Variants in PAG1 observed in about 807,000 individuals in gnomAD.
PAG1 encodes the protein phosphoprotein associated with glycosphingolipid-enriched microdomains 1.
PAG1 carries 23 observed loss-of-function variants against 31.7 expected under a neutral mutation model. The observed-to-expected ratio is 0.73, with a 90% confidence interval of 0.52 to 1.03. The LOEUF (loss-of-function observed/expected upper bound fraction) is 1.03. PAG1 is among the 50% of genes least tolerant of loss of function. The pLI is 0.00. For synonymous variants in PAG1, 214 were observed against 210.3 expected (o/e 1.02, Z -0.15); for missense variants, 473 against 540.7 (o/e 0.87, Z 1.24).
intron 2 of PAG1, among the ~76,000 whole-genome samples, chr8:81,040,414 C>T (rs73279916): frequency 2.0e-5 from 3 of 152,086 alleles, no homozygotes; most frequent in Admixed American, 6.5e-5. Flanking sequence ...ATTTCACCTA[C>T]GCTACCTGTG....
rs141013207 is a variant in PAG1 at position 80,990,718 on chromosome 8, C to T, written c.177+761G>A. Among the ~76,000 whole-genome samples the T allele has an allele frequency of 1.0e-3, 156 of 152,222 alleles. 1 individual carries two copies. In the East Asian group the frequency reaches 0.017, roughly 17 times the overall value. ...TGTAAGATACTGAGGGCTGGGAAAA[C>T]GCCAGCAAGGCTAGGTTATATACCT... On this transcript the variant is annotated intron_variant, in intron 5 of 8. Transcript: ENST00000220597. This position sits in a 1 kb window ranked among gnomAD's most constrained non-coding sequence, Gnocchi z 5.1.
intron 1 of PAG1, among the ~76,000 whole-genome samples, chr8:81,078,285 G>T (rs1045856310): frequency 2.0e-5 from 3 of 152,176 alleles, no homozygotes; most frequent in Non-Finnish European, 2.9e-5. Flanking sequence ...AAAAAGAATT[G>T]AGGTCAATCA....
intron 3 of PAG1, among the ~76,000 whole-genome samples, chr8:80,993,628 G>T (rs1246273840): frequency 6.7e-6 from 1 of 150,036 alleles, no homozygotes; most frequent in Non-Finnish European, 1.5e-5. Flanking sequence ...CTTCAACCAG[G>T]GTCTTGCTCT....
intron 7 of PAG1, among the ~76,000 whole-genome samples, chr8:80,983,076 C>T (rs752104710): frequency 3.4e-4 from 51 of 152,166 alleles, no homozygotes; most frequent in Non-Finnish European, 6.3e-4. Context: ...CATCCAGGAT[C>T]GAGCTCTGGT....
At chr8:81,057,273 A>G (rs962155570) in intron 2 of PAG1, among the ~76,000 whole-genome samples, 16 of 152,184 alleles carry the variant, frequency 1.1e-4, no homozygotes, top group African/African-American at 3.6e-4. Context: ...ATGCACACGT[A>G]TGTTCATTGT....
intron 3 of PAG1, among the ~76,000 whole-genome samples, chr8:81,011,219 T>C (rs1807977566): frequency 6.6e-6 from 1 of 152,248 alleles, no homozygotes; most frequent in Non-Finnish European, 1.5e-5. Flanking sequence ...ATGGTTTGGC[T>C]GTGTCCCCAC....
rs554932519 is a variant in PAG1, at chr8:80,974,152, G to GTTTTTTTTTTTTTT, written c.*2378_*2391dup. On this transcript the variant is annotated 3_prime_UTR_variant, in exon 9 of 9. Transcript: ENST00000220597. ...ATTATTTATGAGCTTTCTATAAAAA[G>GTTTTTTTTTTTTTT]TTTTTTTTTTTTTTTTTTTTTTACT... 1 of 115,378 alleles carries GTTTTTTTTTTTTTT rather than the reference G, an allele frequency of 8.7e-6. No individual in the cohort carries two copies. The highest frequency in any genetic ancestry group is 1.7e-5 in the Non-Finnish European group (1 of 57,806). 7.1% of individuals were successfully genotyped at this position (115,378 alleles called of 1,614,324 possible).
rs529260477 is a variant in PAG1, at chr8:81,045,957, G to A, written c.-174-15868C>T. On this transcript the variant is annotated intron_variant, in intron 2 of 8. Transcript: ENST00000220597. ...CCATCCTATTGCTTCAGCATTGGGCGTGTAACAGCATAACTCGACCTCACA... is the reference window on the plus strand; with the variant it reads ...CCATCCTATTGCTTCAGCATTGGGCATGTAACAGCATAACTCGACCTCACA... Among the ~76,000 whole-genome samples the A allele has an allele frequency of 1.1e-4, 17 of 152,316 alleles. No homozygotes were observed. In the South Asian group the frequency reaches 1.5e-3, roughly 13 times the overall value.
At chr8:81,086,327 A>T (rs1363899417) in intron 1 of PAG1, among the ~76,000 whole-genome samples, 2 of 152,116 alleles carry the variant, frequency 1.3e-5, no homozygotes, top group African/African-American at 4.8e-5. Flanking sequence ...ATTTTGCCTT[A>T]TTTAATAATG....
rs1043337569 is a variant in PAG1 at position 80,968,617 on chromosome 8, T to C, written c.*7927A>G. ...TCTAGAAAGTGCTTATGGAAATGTT[T>C]ATTTTAATATGAGGAGTTTCTTTTC... On this transcript the variant is annotated 3_prime_UTR_variant, in exon 9 of 9. Transcript: ENST00000220597. The C allele has an allele frequency of 1.3e-5, 2 of 152,266 alleles. No individual in the cohort carries two copies. Among genetic ancestry groups the C allele is most frequent in the Non-Finnish European group, 2.9e-5 (2 of 68,050 alleles). 9.4% of individuals were successfully genotyped at this position (152,266 alleles called of 1,614,324 possible). A position where few individuals can be genotyped will look rare whatever the true frequency, so the allele number is the denominator to read the frequency against.
chr8:81,071,882 G>A (rs779691055), intron 1 of PAG1, among the ~76,000 whole-genome samples: 72 of 152,322 alleles, frequency 4.7e-4, no homozygotes, highest in Non-Finnish European at 7.8e-4. Context: ...CAAAACCCAA[G>A]CCCCTGGCAT....
At chr8:81,056,818 C>T (rs1808830717) in intron 2 of PAG1, among the ~76,000 whole-genome samples, 1 of 152,138 alleles carries the variant, frequency 6.6e-6, no homozygotes, top group African/African-American at 2.4e-5. Flanking sequence ...GCAACCTACT[C>T]CTCTGACAAA....
intron 1 of PAG1, among the ~76,000 whole-genome samples, chr8:81,091,596 G>T (rs1367340339): frequency 1.3e-5 from 2 of 152,078 alleles, no homozygotes. Flanking sequence ...ACATAGAAAA[G>T]ATACAGTAAC....
Position 81,041,518 on chromosome 8 carries a change from T to C in PAG1, c.-174-11429A>G, listed in dbSNP as rs1186314677. Among the ~76,000 whole-genome samples, 3 of 152,134 alleles carry C rather than the reference T, an allele frequency of 2.0e-5. No homozygotes were observed. The East Asian group carries it at 5.8e-4, about 29-fold the overall frequency. On this transcript the variant is annotated intron_variant, in intron 2 of 8. Coordinates refer to ENST00000220597, the MANE Select transcript of PAG1 (RefSeq NM_018440.4). The stretch of plus-strand genomic sequence containing the variant: ...CATTTATCTTCAGTTCCACTTTATA[T>C]CCCTATTCCCATTTGTACATTTTAG...
At chr8:80,980,181 T>C (rs147043905) in intron 8 of PAG1, among the ~76,000 whole-genome samples, 95 of 152,326 alleles carry the variant, frequency 6.2e-4, no homozygotes, top group Non-Finnish European at 1.1e-3. Flanking sequence ...GCCCTCTCTA[T>C]TTTTCCTGAC....
In PAG1 at chr8:81,088,192, G is replaced by A. The variant is rs145714025; in HGVS notation, c.-233-18022C>T. On this transcript the variant is annotated intron_variant, in intron 1 of 8. Transcript: ENST00000220597. ...CAGCCTGAGTAATTTACATGTTTAT[G>A]AAAGAAATGTACTAGACACAAGTGG... is the stretch of plus-strand genomic sequence containing the variant. Among the ~76,000 whole-genome samples the A allele has an allele frequency of 2.7e-3, 404 of 152,234 alleles. 1 individual carries two copies. Among genetic ancestry groups the A allele is most frequent in the African/African-American group, 9.3e-3 (385 of 41,520 alleles).
At chr8:81,004,411 A>G (rs934911192) in intron 3 of PAG1, among the ~76,000 whole-genome samples, 5 of 152,160 alleles carry the variant, frequency 3.3e-5, no homozygotes, top group African/African-American at 4.8e-5. Context: ...ACCTCGCATG[A>G]TATTTTCTAC....
chr8:81,056,671 A>G (rs557281869), intron 2 of PAG1, among the ~76,000 whole-genome samples: 2 of 152,364 alleles, frequency 1.3e-5, no homozygotes, highest in Admixed American at 6.5e-5. Context: ...CAAGGACTTC[A>G]TGTCTAAAAC....
At chr8:81,089,350 C>G (rs1264261915) in intron 1 of PAG1, among the ~76,000 whole-genome samples, 1 of 152,060 alleles carries the variant, frequency 6.6e-6, no homozygotes, top group Non-Finnish European at 1.5e-5. Context: ...GGGAGGATCA[C>G]GAGGTCAGGA....
Sources: gnomAD v4.1 joint callset for allele counts (sites outside exome capture counted in the v4.1 genomes callset) on GRCh38, gnomAD v4.1.1 for gene constraint, Gnocchi (gnomAD v3.1) non-coding constraint, MANE v1.5 for transcripts, NCBI Gene and HGNC (gene_info 2026-07-23, HGNC 2026-07-21) for gene names.